Variants in CTNNA3 observed in about 807,000 individuals in gnomAD.
CTNNA3 encodes catenin alpha 3.
CTNNA3 carries 76 observed loss-of-function variants against 95.7 expected under a neutral mutation model. The observed-to-expected ratio is 0.79, with a 90% CI of 0.66 to 0.96. The LOEUF is 0.96. CTNNA3 is among the 40% of genes least tolerant of loss of function. CTNNA3 has a pLI of 0.00. For missense variants in CTNNA3, 1,191 were observed against 1,089.8 expected, an observed-to-expected ratio of 1.09 and a Z score of -1.31; for synonymous variants, 431 against 374.4, an observed-to-expected ratio of 1.15 and a Z score of -1.74.
rs142094557 is a variant in CTNNA3, at chr10:66,642,532, T to C, written c.1282-20748A>G. ...CAATGTGTTTAACCTATCACTGTTA[T>C]TCAGTGTACTATAACTGCTATACAA... On this transcript the variant is annotated intron_variant, in intron 9 of 17. Transcript: ENST00000433211. 3.7e-3 allele frequency among the ~76,000 whole-genome samples: 560 copies of C among 152,236 alleles called. 10 individuals are homozygous for C. The highest frequency in any genetic ancestry group is 0.013 in the African/African-American group (522 of 41,556).
intron 5 of CTNNA3, among the ~76,000 whole-genome samples, chr10:67,290,809 C>T (rs546302000): frequency 1.3e-5 from 2 of 152,256 alleles, no homozygotes; most frequent in East Asian, 3.9e-4. Context: ...CAATTAAGCA[C>T]TCTGATATAT....
intron 5 of CTNNA3, among the ~76,000 whole-genome samples, chr10:67,360,003 C>A (rs2132667109): frequency 6.6e-6 from 1 of 152,276 alleles, no homozygotes; most frequent in South Asian, 2.1e-4. Flanking sequence ...CAGCAGACTT[C>A]TCAGTAGGTT....
intron 7 of CTNNA3, chr10:67,052,550 ACATTTG>A (rs1044480569): frequency 6.6e-6 from 1 of 152,194 alleles, no homozygotes; most frequent in Admixed American, 6.5e-5. Context: ...ATTATCATAA[ACATTTG>A]TATTTCTTAT....
At chr10:67,107,454 T>C (rs4746659) in intron 7 of CTNNA3, among the ~76,000 whole-genome samples, 54,349 of 152,110 alleles carry the variant, frequency 0.36, 9,991 homozygotes, top group Middle Eastern at 0.53. Context: ...TAATTTCAAA[T>C]AATTATGTGA....
At chr10:66,334,473 A>T (rs1306203423) in intron 12 of CTNNA3, among the ~76,000 whole-genome samples, 3 of 151,496 alleles carry the variant, frequency 2.0e-5, no homozygotes, top group Admixed American at 6.6e-5. Context: ...AAAGTATTTT[A>T]TTTCTCCTTC....
At chr10:67,212,363 C>A (rs1864174089) in intron 6 of CTNNA3, among the ~76,000 whole-genome samples, 1 of 151,898 alleles carries the variant, frequency 6.6e-6, no homozygotes, top group African/African-American at 2.4e-5. Context: ...GTCTGTAACA[C>A]TAGAAATGTG....
At chr10:67,417,502 T>C (rs1845586849) in intron 5 of CTNNA3, among the ~76,000 whole-genome samples, 1 of 152,236 alleles carries the variant, frequency 6.6e-6, no homozygotes, top group South Asian at 2.1e-4. Flanking sequence ...GGGGAAGGTA[T>C]TATCAAGGTG....
At chr10:67,373,147 G>A (rs868273119) in intron 5 of CTNNA3, among the ~76,000 whole-genome samples, 7 of 152,120 alleles carry the variant, frequency 4.6e-5, no homozygotes, top group Admixed American at 1.3e-4. Context: ...ATGTAAATGG[G>A]CTAAATGCTC....
rs2077023456 is a variant in CTNNA3 at position 65,917,635 on chromosome 10, T to G, written c.*2695A>C. The G allele has an allele frequency of 6.6e-6, 1 of 152,122 alleles. No homozygotes were observed. Among genetic ancestry groups the G allele is most frequent in the East Asian group, 1.9e-4 (1 of 5,192 alleles). The allele number at this position is 152,122 out of a possible 1,614,324, so 9.4% of individuals were successfully genotyped here. On this transcript the variant is annotated 3_prime_UTR_variant, in exon 18 of 18. Coordinates refer to ENST00000433211, the MANE Select transcript of CTNNA3 (RefSeq NM_013266.4). ...GATTTCGTTAAAAAGAAAGGTGAGT[T>G]CTTATTAGCAGGATCAAGCAAATGT...
chr10:66,429,969 C>G (rs532953148), intron 11 of CTNNA3, among the ~76,000 whole-genome samples: 4 of 147,682 alleles, frequency 2.7e-5, no homozygotes, highest in Non-Finnish European at 4.5e-5. Context: ...AATTGTCCCT[C>G]TTTGCAGATG....
chr10:66,957,378 GTGTGTATA>G, intron 7 of CTNNA3, among the ~76,000 whole-genome samples: 2 of 83,050 alleles, frequency 2.4e-5, no homozygotes, highest in Non-Finnish European at 4.8e-5. Flanking sequence ...CAGAATATGT[GTGTGTATA>G]TATATACATA....
chr10:66,598,053 A>C (rs1290996888), intron 10 of CTNNA3, among the ~76,000 whole-genome samples: 2 of 152,086 alleles, frequency 1.3e-5, no homozygotes, highest in Non-Finnish European at 2.9e-5. Context: ...ATTTAATAGC[A>C]CATTAAAAGG....
intron 7 of CTNNA3, among the ~76,000 whole-genome samples, chr10:66,795,338 T>A (rs1029940736): frequency 6.6e-6 from 1 of 152,188 alleles, no homozygotes; most frequent in Non-Finnish European, 1.5e-5. Flanking sequence ...ACAACATTCA[T>A]CACCTTGTAA....
chr10:66,100,284 T>C, intron 14 of CTNNA3, among the ~76,000 whole-genome samples: 1 of 152,158 alleles, frequency 6.6e-6, no homozygotes, highest in East Asian at 1.9e-4. Flanking sequence ...GGTCAAGAGT[T>C]GCTCTATGTG....
intron 12 of CTNNA3, among the ~76,000 whole-genome samples, chr10:66,313,691 C>A (rs1282054894): frequency 6.6e-6 from 1 of 152,130 alleles, no homozygotes; most frequent in Non-Finnish European, 1.5e-5. Context: ...AAGCCTTGGG[C>A]TGTGAGGGTA....
chr10:65,942,523 C>T lies in CTNNA3; in HGVS notation c.2401-21906G>A, dbSNP rs1367882854. Among the ~76,000 whole-genome samples, 11 of 152,198 alleles carry T rather than the reference C, an allele frequency of 7.2e-5. No individual in the cohort carries two copies. The South Asian group carries it at 1.0e-3, about 14-fold the overall frequency. On this transcript the variant is annotated intron_variant, in intron 17 of 17. Coordinates refer to ENST00000433211, the MANE Select transcript of CTNNA3 (RefSeq NM_013266.4). The stretch of plus-strand genomic sequence containing the variant: ...CAGTCTGGTGACAGACAGAAACTCC[C>T]TCTCAAAAACAACAACAACAACAAC...
chr10:66,332,243 C>G (rs1218407120), intron 12 of CTNNA3, among the ~76,000 whole-genome samples: 1 of 151,916 alleles, frequency 6.6e-6, no homozygotes, highest in Non-Finnish European at 1.5e-5. Flanking sequence ...TTATTTCCTT[C>G]TCCTGCCTGA....
chr10:67,448,656 A>G (rs938169087), intron 5 of CTNNA3, among the ~76,000 whole-genome samples: 13 of 151,564 alleles, frequency 8.6e-5, no homozygotes, highest in African/African-American at 2.9e-4. Flanking sequence ...TACATTTTAT[A>G]CTAAAAGAAA....
At chr10:66,923,460 A>G (rs987415004) in intron 7 of CTNNA3, among the ~76,000 whole-genome samples, 10 of 152,206 alleles carry the variant, frequency 6.6e-5, no homozygotes, top group Middle Eastern at 3.2e-3. Flanking sequence ...GAGCCTTTCA[A>G]GCAACAGAGG....
Sources: allele counts gnomAD v4.1 joint callset (sites outside exome capture counted in the v4.1 genomes callset), GRCh38; gene constraint gnomAD v4.1.1; transcripts MANE v1.5; gene names NCBI Gene and HGNC (gene_info 2026-07-23, HGNC 2026-07-21).